Variants in CPAMD8 observed in about 807,000 individuals in gnomAD.
CPAMD8 encodes the protein C3 and PZP like alpha-2-macroglobulin domain containing 8.
CPAMD8 carries 146 observed loss-of-function variants against 224.7 expected under a neutral mutation model. The ratio of observed to expected loss-of-function variants is 0.65; its 90% confidence interval spans 0.57 to 0.75. The LOEUF is 0.75. CPAMD8 is among the 30% of genes least tolerant of loss of function. The pLI is 0.00. For synonymous variants in CPAMD8, 966 were observed against 1,044.6 expected (o/e 0.92, Z 1.45); for missense variants, 2,301 against 2,537.5 (o/e 0.91, Z 2.00).
In CPAMD8 at chr19:17,002,464, T is replaced by G. The variant is rs2056359179; in HGVS notation, c.674-114A>C. 4 of 688,310 alleles carry G rather than the reference T, an allele frequency of 5.8e-6. No homozygotes were observed. In the East Asian group the frequency reaches 8.2e-5, roughly 14 times the overall value. The allele number at this position is 688,310 out of a possible 1,614,324, so 42.6% of individuals were successfully genotyped here. The stretch of plus-strand genomic sequence containing the variant: ...CACAGCACCTGGCCACCACCGAGGT[T>G]GACACTGTACCCATCCACACCACTC... On this transcript the variant is annotated intron_variant, in intron 8 of 41. Coordinates refer to ENST00000443236, the MANE Select transcript of CPAMD8 (RefSeq NM_015692.5).
In CPAMD8 at chr19:16,898,086, C is replaced by G; in HGVS notation, c.4849-92G>C. On this transcript the variant is annotated intron_variant, in intron 37 of 41. Coordinates refer to ENST00000443236, the MANE Select transcript of CPAMD8 (RefSeq NM_015692.5). The surrounding 1 kb of genome is among the most constrained non-coding windows in gnomAD (Gnocchi z 4.2). The stretch of plus-strand genomic sequence containing the variant: ...AGAACTGGCTGATTTCAGGGATACC[C>G]AGGACGCGTGAAACACAGAAGAAAC... 2.5e-6 allele frequency: 2 copies of G among 789,698 alleles called. No homozygotes were observed. The highest frequency in any genetic ancestry group is 2.0e-6 in the Non-Finnish European group (1 of 488,930). 48.9% of individuals were successfully genotyped at this position (789,698 alleles called of 1,614,324 possible).
chr19:16,976,192 T>C, intron 15 of CPAMD8, 41 bp from the exon 16 acceptor site: 5 of 1,575,326 alleles, frequency 3.2e-6, no homozygotes, highest in South Asian at 1.1e-5. Flanking sequence ...CTTGGTTCAG[T>C]TGGCTGTGAG....
rs763496304 is a variant in CPAMD8 at position 16,977,579 on chromosome 19, C to T, written c.1586-39G>A. 29 of 1,501,100 alleles carry T rather than the reference C, an allele frequency of 1.9e-5. No individual in the cohort carries two copies. In the Admixed American group the frequency reaches 2.4e-4, roughly 13 times the overall value. 93.0% of individuals were successfully genotyped at this position (1,501,100 alleles called of 1,614,324 possible). On this transcript the variant is annotated intron_variant, in intron 14 of 41. Transcript: ENST00000443236. ...AAGTAGAGAGAGGTGGTGAATTCTC[C>T]GCATCCGACATGCAACCTCAGCCAT...
At position 16,914,762 on chromosome 19, in the gene CPAMD8, G is replaced by A. The variant is rs750599747; in HGVS notation, c.3681C>T (p.Phe1227=). 30 of 1,613,998 alleles carry A rather than the reference G, an allele frequency of 1.9e-5. No individual in the cohort carries two copies. The highest frequency in any genetic ancestry group is 8.8e-5 in the South Asian group (8 of 91,086). Reference sequence around the variant, plus strand: ...CGGCAGCCAGCTCCCGGGGGTCCACGAAGATAAAGCTGCGAGCCTGTGCGA... The same window carrying A: ...CGGCAGCCAGCTCCCGGGGGTCCACAAAGATAAAGCTGCGAGCCTGTGCGA... ...KSFAQARSFI[F]VDPRELAAAK... The change falls in exon 28 of 42, where the codon TTC becomes TTT. Residue 1227 remains phenylalanine, a synonymous_variant. Transcript: ENST00000443236.
intron 3 of CPAMD8, among the ~76,000 whole-genome samples, chr19:17,020,122 G>A (rs1180457565): frequency 4.6e-5 from 7 of 151,612 alleles, no homozygotes; most frequent in African/African-American, 1.7e-4. Context: ...TTACAGGCAT[G>A]TGCCACCACG....
intron 22 of CPAMD8, among the ~76,000 whole-genome samples, chr19:16,939,586 G>A (rs1021445019): frequency 1.1e-4 from 16 of 152,274 alleles, no homozygotes; most frequent in African/African-American, 2.4e-4. Context: ...CTATCTGGGC[G>A]CGTCCAGGAA....
intron 13 of CPAMD8, among the ~76,000 whole-genome samples, chr19:16,981,202 A>G (rs1479156430): frequency 6.6e-6 from 1 of 151,952 alleles, no homozygotes; most frequent in Non-Finnish European, 1.5e-5. Context: ...AAAAGCACAC[A>G]CACATAAAAT....
At position 16,929,324 on chromosome 19, in the gene CPAMD8, A is replaced by T. The variant is rs2053477129; in HGVS notation, c.2846-84T>A. ...CTGATGGTACCTGGAGGTGAGCACC[A>T]GGACCACAAGGAGTGGGTCTCACTG... On this transcript the variant is annotated intron_variant, in intron 23 of 41. Coordinates refer to ENST00000443236, the MANE Select transcript of CPAMD8 (RefSeq NM_015692.5). The T allele has an allele frequency of 4.5e-6, 5 of 1,115,010 alleles. No homozygotes were observed. In the Admixed American group the frequency reaches 1.0e-4, roughly 23 times the overall value. The allele number at this position is 1,115,010 out of a possible 1,614,324, so 69.1% of individuals were successfully genotyped here. A position where few individuals can be genotyped will look rare whatever the true frequency, so the allele number is the denominator to read the frequency against.
intron 19 of CPAMD8, among the ~76,000 whole-genome samples, chr19:16,956,375 C>T (rs1053728336): frequency 2.0e-5 from 3 of 152,132 alleles, no homozygotes; most frequent in African/African-American, 7.2e-5. Flanking sequence ...CAAAGGATTC[C>T]ACCATCTTTC....
intron 7 of CPAMD8, among the ~76,000 whole-genome samples, chr19:17,004,964 CAG>C (rs373313266): frequency 6.8e-4 from 94 of 138,860 alleles, no homozygotes; most frequent in Admixed American, 1.2e-3. Context: ...GAGAGACAGA[CAG>C]AGAGAGAGAG....
chr19:16,970,444 A>C (rs1438687740), intron 18 of CPAMD8, among the ~76,000 whole-genome samples: 4 of 149,446 alleles, frequency 2.7e-5, no homozygotes, highest in Non-Finnish European at 5.9e-5. Context: ...AAAATTAGAC[A>C]GGCATGGTGG....
In CPAMD8 at chr19:16,898,699, C is replaced by G. The variant is rs1414047983; in HGVS notation, c.4849-705G>C. Reference sequence around the variant, plus strand: ...CATTTCATGTCAATGGAATCATGTACTCTGTGGCCTTTTGTGTCTGGCTTC... The same window carrying G: ...CATTTCATGTCAATGGAATCATGTAGTCTGTGGCCTTTTGTGTCTGGCTTC... On this transcript the variant is annotated intron_variant, in intron 37 of 41. Transcript: ENST00000443236. This position sits in a 1 kb window ranked among gnomAD's most constrained non-coding sequence, Gnocchi z 4.2. 6.6e-6 allele frequency among the ~76,000 whole-genome samples: 1 copy of G among 152,118 alleles called. No homozygotes were observed. The highest frequency in any genetic ancestry group is 6.5e-5 in the Admixed American group (1 of 15,272).
At chr19:16,904,609 C>CGGAG in intron 30 of CPAMD8, 57 bp from the exon 31 acceptor site, 1 of 1,181,936 alleles carries the variant, frequency 8.5e-7, no homozygotes, top group South Asian at 1.2e-5. Flanking sequence ...GCCTGGCATC[C>CGGAG]CATGGAGCGC....
At position 16,902,709 on chromosome 19, in the gene CPAMD8, T is replaced by C; in HGVS notation, c.4625A>G (p.Asp1542Gly). ...SRGDWPPADD[D>G]DPAADQHHQE... is the part of the protein sequence containing the mutation. ...GTGATGCTGATCGGCCGCTGGGTCA[T>C]CATCGTCAGCTGGGGGCCAGTCTCC... The change falls in exon 35 of 42, where the codon GAT (aspartate) becomes GGT (glycine). Residue 1542 changes from aspartate to glycine, a missense_variant. By Grantham distance (94) the Asp-to-Gly change is moderately conservative. Transcript: ENST00000443236. 1 of 1,606,268 alleles carries C rather than the reference T, an allele frequency of 6.2e-7. No individual in the cohort carries two copies. Among genetic ancestry groups the C allele is most frequent in the Non-Finnish European group, 8.5e-7 (1 of 1,175,408 alleles).
At chr19:16,893,642 T>C (rs991073096) in intron 41 of CPAMD8, 19 of 300,106 alleles carry the variant, frequency 6.3e-5, no homozygotes, top group Non-Finnish European at 6.8e-5. Context: ...GGCAGGCAGC[T>C]GGTAGGGCCC....
chr19:16,987,179 A>AAAAAAAAAATAAATAT (rs1555784836), intron 13 of CPAMD8, among the ~76,000 whole-genome samples: 1 of 53,908 alleles, frequency 1.9e-5, no homozygotes, highest in Non-Finnish European at 2.9e-5. Flanking sequence ...AAAAAAAAAA[A>AAAAAAAAAATAAATAT]ATATATATAT....
At chr19:16,937,840 G>A (rs1032646824) in intron 23 of CPAMD8, among the ~76,000 whole-genome samples, 4 of 152,106 alleles carry the variant, frequency 2.6e-5, no homozygotes, top group Non-Finnish European at 5.9e-5. Context: ...TTTTAGTAGA[G>A]ATGGGGTTTC....
intron 30 of CPAMD8, among the ~76,000 whole-genome samples, chr19:16,905,561 G>GAAAA: frequency 1.2e-5 from 1 of 85,898 alleles, no homozygotes; most frequent in Non-Finnish European, 2.3e-5. Flanking sequence ...AAAAAAAAAG[G>GAAAA]AAGAAAAGAA....
chr19:16,913,988 C>T (rs1195126341), intron 29 of CPAMD8, among the ~76,000 whole-genome samples: 1 of 152,116 alleles, frequency 6.6e-6, no homozygotes, highest in East Asian at 1.9e-4. Context: ...CATCTAAGCC[C>T]CATCCAGTAC....
Sources: gnomAD v4.1 joint callset for allele counts (sites outside exome capture counted in the v4.1 genomes callset) on GRCh38, gnomAD v4.1.1 for gene constraint, Gnocchi (gnomAD v3.1) non-coding constraint, MANE v1.5 for transcripts, NCBI Gene and HGNC (gene_info 2026-07-23, HGNC 2026-07-21) for gene names.